Variants in TSGA10 observed in about 807,000 individuals in gnomAD.
TSGA10 encodes testis-specific gene 10 protein.
A neutral mutation model predicts 96.6 loss-of-function variants in TSGA10; 43 were observed. The observed-to-expected ratio is 0.44, with a 90% CI of 0.35 to 0.57. The LOEUF (loss-of-function observed/expected upper bound fraction) is 0.57. Ranked by LOEUF, TSGA10 falls within the 20% of genes least tolerant of loss-of-function variation. The pLI is 0.01. For missense variants in TSGA10, 703 were observed against 834.4 expected, an observed-to-expected ratio of 0.84 and a Z score of 1.94; for synonymous variants, 229 against 269.9, an observed-to-expected ratio of 0.85 and a Z score of 1.48.
chr2:99,037,229 C>T (rs1048692227), intron 16 of TSGA10, among the ~76,000 whole-genome samples: 9 of 152,144 alleles, frequency 5.9e-5, no homozygotes, highest in Admixed American at 5.2e-4. Flanking sequence ...TTCACTAAGA[C>T]AGACTACGTA....
intron 6 of TSGA10, 98 bp from the exon 7 acceptor site, chr2:99,109,089 G>T: frequency 1.1e-6 from 1 of 937,308 alleles, no homozygotes; most frequent in Non-Finnish European, 1.5e-6. Context: ...AAGAAAATAA[G>T]ACTATATAAT....
At chr2:99,095,464 T>C (rs1381981742) in intron 10 of TSGA10, among the ~76,000 whole-genome samples, 1 of 152,190 alleles carries the variant, frequency 6.6e-6, no homozygotes, top group African/African-American at 2.4e-5. Context: ...GTACTATTAA[T>C]ACTTTTTTAA....
intron 17 of TSGA10, among the ~76,000 whole-genome samples, chr2:99,022,603 A>G (rs1372036789): frequency 6.6e-6 from 1 of 152,188 alleles, no homozygotes; most frequent in Non-Finnish European, 1.5e-5. Context: ...AGTTAAAAAT[A>G]TTTGACTTAT....
Position 99,082,102 on chromosome 2 carries a change from T to C in TSGA10, c.612-705A>G, listed in dbSNP as rs1176402235. ...GGAGTTAACCTGTGTAAGCAGACCC[T>C]CAGCATTTCAAAGGAGCCAAATTAA... On this transcript the variant is annotated intron_variant, in intron 10 of 20. Transcript: ENST00000393483. Among the ~76,000 whole-genome samples the C allele has an allele frequency of 4.6e-5, 7 of 152,314 alleles. No individual in the cohort carries two copies. In the South Asian group the frequency reaches 1.2e-3, roughly 27 times the overall value.
At chr2:99,021,279 C>CA (rs888368482) in intron 17 of TSGA10, among the ~76,000 whole-genome samples, 2 of 150,232 alleles carry the variant, frequency 1.3e-5, no homozygotes, top group African/African-American at 2.4e-5. Flanking sequence ...AGATACAATG[C>CA]AAAAAAAAGT....
intron 10 of TSGA10, among the ~76,000 whole-genome samples, chr2:99,082,135 G>A (rs2087603511): frequency 6.6e-6 from 1 of 152,182 alleles, no homozygotes; most frequent in African/African-American, 2.4e-5. Flanking sequence ...TAACTGATAA[G>A]GTACTGGAAC....
chr2:99,018,190 A>T lies in TSGA10; in HGVS notation c.2072+10T>A. On this transcript the variant is annotated intron_variant, in intron 20 of 20. Transcript: ENST00000393483. The stretch of plus-strand genomic sequence containing the variant: ...TGATCTCAAGAGAATGGATCCTTAA[A>T]TAGACTCACTCTTCTAATGATCGAT... The T allele has an allele frequency of 6.2e-7, 1 of 1,613,912 alleles. No individual in the cohort carries two copies. Among genetic ancestry groups the T allele is most frequent in the Non-Finnish European group, 8.5e-7 (1 of 1,179,960 alleles).
rs554579572 is a variant in TSGA10 at position 99,063,569 on chromosome 2, G to A, written c.1404+1370C>T. On this transcript the variant is annotated intron_variant, in intron 16 of 20. Transcript: ENST00000393483. ...CCTGTGATCCCAGCACTTTGGGAGG[G>A]CAAGGTGGGTGGATCATGAGGTCAA... is the stretch of plus-strand genomic sequence containing the variant. Among the ~76,000 whole-genome samples the A allele has an allele frequency of 2.0e-5, 3 of 151,996 alleles. No individual in the cohort carries two copies. In the East Asian group the frequency reaches 5.8e-4, roughly 29 times the overall value.
Position 99,078,818 on chromosome 2 carries a change from G to C in TSGA10, c.728-5C>G. ...TATTTTGCCTTGTAAAGTTATCTATGTATGCAATCATAAAAGTGTTGTTTT... is the reference window on the plus strand; with the variant it reads ...TATTTTGCCTTGTAAAGTTATCTATCTATGCAATCATAAAAGTGTTGTTTT... On this transcript the variant is annotated splice_polypyrimidine_tract_variant and splice_region_variant and intron_variant, in intron 11 of 20. Coordinates refer to ENST00000393483, the MANE Select transcript of TSGA10 (RefSeq NM_025244.4). The C allele has an allele frequency of 6.2e-7, 1 of 1,602,328 alleles. No individual in the cohort carries two copies. Among genetic ancestry groups the C allele is most frequent in the Non-Finnish European group, 8.5e-7 (1 of 1,176,204 alleles).
chr2:99,061,269 G>A (rs1296403394), intron 16 of TSGA10, among the ~76,000 whole-genome samples: 1 of 152,174 alleles, frequency 6.6e-6, no homozygotes. Context: ...TGACCAGTAA[G>A]CATGTGAAAA....
rs1186613906 is a variant in TSGA10 at position 99,081,322 on chromosome 2, C to T, written c.687G>A (p.Gln229=). The change falls in exon 11 of 21, where the codon CAG becomes CAA. Residue 229 remains glutamine, a synonymous_variant. Coordinates refer to ENST00000393483, the MANE Select transcript of TSGA10 (RefSeq NM_025244.4). ...RHLAKKKYEL[Q]LTQEKIMCLD... Reference sequence around the variant, plus strand: ...AGCACATAATTTTCTCCTGAGTAAGCTGTAGCTCATATTTTTTCTTAGCAA... The same window carrying T: ...AGCACATAATTTTCTCCTGAGTAAGTTGTAGCTCATATTTTTTCTTAGCAA... 1.3e-6 allele frequency: 2 copies of T among 1,596,618 alleles called. No individual in the cohort carries two copies. The highest frequency in any genetic ancestry group is 4.5e-5 in the East Asian group (2 of 44,462).
intron 16 of TSGA10, among the ~76,000 whole-genome samples, chr2:99,042,878 T>A (rs1436637300): frequency 6.6e-6 from 1 of 152,026 alleles, no homozygotes; most frequent in Non-Finnish European, 1.5e-5. Context: ...TAATTTTTTT[T>A]AGTAGATACA....
intron 16 of TSGA10, among the ~76,000 whole-genome samples, chr2:99,058,269 T>C (rs2084229305): frequency 6.6e-6 from 1 of 152,178 alleles, no homozygotes; most frequent in Non-Finnish European, 1.5e-5. Context: ...GGATAAACTA[T>C]ATGGCATGTT....
chr2:99,032,576 C>T (rs919310252), intron 17 of TSGA10, among the ~76,000 whole-genome samples: 39 of 152,104 alleles, frequency 2.6e-4, no homozygotes, highest in Non-Finnish European at 2.8e-4. Context: ...AATGTGAACA[C>T]AAAGAACAGA....
chr2:99,117,224 T>C (rs2092320137), intron 4 of TSGA10: 1 of 152,244 alleles, frequency 6.6e-6, no homozygotes, highest in South Asian at 2.1e-4. Context: ...AAAATAAATG[T>C]ATCTATTAGT....
At chr2:99,068,098 AGGCTGC>A (rs2085478001) in intron 15 of TSGA10, among the ~76,000 whole-genome samples, 1 of 152,188 alleles carries the variant, frequency 6.6e-6, no homozygotes, top group Admixed American at 6.5e-5. Context: ...TTTCCTACAC[AGGCTGC>A]TTGCTGCCTG....
intron 1 of TSGA10, chr2:99,141,035 G>A (rs1276307584): frequency 3.2e-6 from 4 of 1,231,558 alleles, no homozygotes; most frequent in Non-Finnish European, 4.2e-6. Context: ...AGACCTTCCA[G>A]TCCAGTAGCA....
rs1428351924 is a variant in TSGA10, at chr2:98,997,359, C to T, written c.*838G>A. The T allele has an allele frequency of 6.6e-6, 1 of 151,932 alleles. No individual in the cohort carries two copies. Among genetic ancestry groups the T allele is most frequent in the African/African-American group, 2.4e-5 (1 of 41,406 alleles). 9.4% of individuals were successfully genotyped at this position (151,932 alleles called of 1,614,324 possible). A position where few individuals can be genotyped will look rare whatever the true frequency, so the allele number is the denominator to read the frequency against. On this transcript the variant is annotated 3_prime_UTR_variant, in exon 21 of 21. Transcript: ENST00000393483. Reference sequence around the variant, plus strand: ...CATTCAGGCTCTAATATGAACATTACATCAAAGCCTATGGATAGATAAGGT... The same window carrying T: ...CATTCAGGCTCTAATATGAACATTATATCAAAGCCTATGGATAGATAAGGT...
intron 16 of TSGA10, among the ~76,000 whole-genome samples, chr2:99,056,005 C>A (rs1374328370): frequency 6.6e-6 from 1 of 151,926 alleles, no homozygotes; most frequent in Non-Finnish European, 1.5e-5. Context: ...AGATCGAGAT[C>A]ATCCTGGCTA....
Sources: gnomAD v4.1 joint callset for allele counts (sites outside exome capture counted in the v4.1 genomes callset) on GRCh38, gnomAD v4.1.1 for gene constraint, MANE v1.5 for transcripts, NCBI Gene and HGNC (gene_info 2026-07-23, HGNC 2026-07-21) for gene names.